The following ITSN1 variants were observed in gnomAD, a reference collection of about 807,000 sequenced individuals.
The protein encoded by ITSN1 is intersectin 1, also known as intersectin-1.
ITSN1 carries 58 observed loss-of-function variants against 239.8 expected under a neutral mutation model. That is an observed-to-expected ratio of 0.24 (90% confidence interval 0.20 to 0.30). The LOEUF (loss-of-function observed/expected upper bound fraction) is 0.30. Ranked by LOEUF, ITSN1 falls within the 10% of genes least tolerant of loss-of-function variation. The pLI, the probability that ITSN1 is intolerant of heterozygous loss-of-function variation, is 1.00. For missense variants in ITSN1, 1,558 were observed against 2,103.3 expected (o/e 0.74, Z 5.07); for synonymous variants, 780 against 770.8 (o/e 1.01, Z -0.20).
intron 26 of ITSN1, among the ~76,000 whole-genome samples, chr21:33,828,483 AG>A (rs2074099280): frequency 6.6e-6 from 1 of 152,232 alleles, no homozygotes; most frequent in South Asian, 2.1e-4. Context: ...GACCCCTGAT[AG>A]CATGCAGAAC....
intron 5 of ITSN1, among the ~76,000 whole-genome samples, chr21:33,745,487 G>T (rs2067125770): frequency 1.3e-5 from 2 of 152,176 alleles, no homozygotes; most frequent in African/African-American, 4.8e-5. Flanking sequence ...TTAACCAAAG[G>T]TATATAACAT....
At chr21:33,659,599 G>A (rs2089382179) in intron 1 of ITSN1, among the ~76,000 whole-genome samples, 2 of 151,034 alleles carry the variant, frequency 1.3e-5, no homozygotes, top group Non-Finnish European at 2.9e-5. Context: ...TGAATACTGT[G>A]TCTATACACA....
At position 33,858,678 on chromosome 21, in the gene ITSN1, A is replaced by C. The variant is rs375695344; in HGVS notation, c.3784-8A>C. On this transcript the variant is annotated splice_polypyrimidine_tract_variant and splice_region_variant and intron_variant, in intron 30 of 39. Transcript: ENST00000381318. ...CTTTCTGAACTGCTTCGTTTTCTGC[A>C]TCTGTAGATTTTTCAAAAACCCCTG... is the stretch of plus-strand genomic sequence containing the variant. 3.8e-6 allele frequency: 6 copies of C among 1,581,106 alleles called. No individual in the cohort carries two copies. Among genetic ancestry groups the C allele is most frequent in the East Asian group, 4.5e-5 (2 of 44,696 alleles).
chr21:33,860,315 GAAAA>G (rs537916792), intron 31 of ITSN1, among the ~76,000 whole-genome samples: 4 of 70,304 alleles, frequency 5.7e-5, no homozygotes, highest in South Asian at 4.9e-4. Flanking sequence ...CTCAAAAAAA[GAAAA>G]AAAAAAAAAA....
At chr21:33,853,358 A>G (rs74748106) in intron 29 of ITSN1, among the ~76,000 whole-genome samples, 3,423 of 152,266 alleles carry the variant, frequency 0.022, 122 homozygotes, top group African/African-American at 0.078. Context: ...CCAGAGGCCA[A>G]CGCTACCTGG....
intron 1 of ITSN1, among the ~76,000 whole-genome samples, chr21:33,665,011 T>A (rs972273093): frequency 1.3e-5 from 2 of 152,194 alleles, no homozygotes; most frequent in Admixed American, 6.5e-5. Context: ...ACTACTGTAA[T>A]CCCAGCACTT....
chr21:33,836,601 G>T lies in ITSN1; in HGVS notation c.3630G>T (p.Lys1210Asn). Residue 1210 changes from lysine to asparagine, a missense_variant, in exon 29 of 40, where the codon AAG (lysine) becomes AAT (asparagine). By Grantham distance (94) the Lys-to-Asn change is moderately conservative. Transcript: ENST00000381318. ...QVGLFPSNYV[K>N]LTTDMDPSQQ... is the part of the protein sequence containing the mutation. ...GGCTCTTCCCATCCAATTATGTGAA[G>T]CTGACCACAGACATGGACCCAAGCC... The T allele has an allele frequency of 6.2e-7, 1 of 1,614,118 alleles. No individual in the cohort carries two copies. Among genetic ancestry groups the T allele is most frequent in the Non-Finnish European group, 8.5e-7 (1 of 1,179,990 alleles).
At chr21:33,839,766 T>A (rs920191508) in intron 29 of ITSN1, among the ~76,000 whole-genome samples, 1 of 152,242 alleles carries the variant, frequency 6.6e-6, no homozygotes, top group Non-Finnish European at 1.5e-5. Context: ...TGACATGGGT[T>A]GTTCCCCAGG....
chr21:33,866,151 A>C lies in ITSN1; in HGVS notation c.4074+817A>C, dbSNP rs951010778. On this transcript the variant is annotated intron_variant, in intron 32 of 39. Coordinates refer to ENST00000381318, the MANE Select transcript of ITSN1 (RefSeq NM_003024.3). Reference sequence around the variant, plus strand: ...CCTGTCCTAGAGTGGTGCTTGTGGAATCACTGTGGTGAGGCACAAGCGCAG... The same window carrying C: ...CCTGTCCTAGAGTGGTGCTTGTGGACTCACTGTGGTGAGGCACAAGCGCAG... 3.8e-3 allele frequency among the ~76,000 whole-genome samples: 586 copies of C among 152,330 alleles called. 7 individuals are homozygous for C. The highest frequency in any genetic ancestry group is 0.013 in the African/African-American group (555 of 41,572).
chr21:33,720,554 C>A (rs548668690), intron 2 of ITSN1, among the ~76,000 whole-genome samples: 2 of 152,046 alleles, frequency 1.3e-5, no homozygotes, highest in Non-Finnish European at 2.9e-5. Context: ...ATCAGGACAT[C>A]CCCTGCCCTT....
rs374376698 is a variant in ITSN1 at position 33,856,072 on chromosome 21, A to C, written c.3662-664A>C. The stretch of plus-strand genomic sequence containing the variant: ...CAAGCTGAGAGACCTGGGGCCAGTC[A>C]ACCTGTGTAAACCTCGGTGTCCTCG... On this transcript the variant is annotated intron_variant, in intron 29 of 39. Transcript: ENST00000381318. Among the ~76,000 whole-genome samples, 126 of 152,356 alleles carry C rather than the reference A, an allele frequency of 8.3e-4. 3 individuals are homozygous for C. The South Asian group carries it at 0.024, about 29-fold the overall frequency.
chr21:33,727,498 G>A (rs1463263398), intron 4 of ITSN1, among the ~76,000 whole-genome samples: 1 of 151,684 alleles, frequency 6.6e-6, no homozygotes, highest in East Asian at 1.9e-4. Flanking sequence ...TTCAGAATGG[G>A]TGTCAGGGCA....
At chr21:33,693,395 T>C (rs2091643024) in intron 1 of ITSN1, among the ~76,000 whole-genome samples, 1 of 151,864 alleles carries the variant, frequency 6.6e-6, no homozygotes, top group South Asian at 2.1e-4. Flanking sequence ...TTACTCTTAT[T>C]GTCCAGGCTG....
At chr21:33,884,026 G>A (rs1985389300) in intron 36 of ITSN1, among the ~76,000 whole-genome samples, 1 of 150,816 alleles carries the variant, frequency 6.6e-6, no homozygotes, top group South Asian at 2.1e-4. Context: ...TAGCCTCCCA[G>A]GTATGTGGGA....
chr21:33,653,107 G>A (rs2146150093), intron 1 of ITSN1, among the ~76,000 whole-genome samples: 1 of 151,418 alleles, frequency 6.6e-6, no homozygotes, highest in East Asian at 2.0e-4. Context: ...TGATTCTCCT[G>A]CCTCAGCCTC....
intron 1 of ITSN1, among the ~76,000 whole-genome samples, chr21:33,650,631 C>G (rs998366814): frequency 1.3e-5 from 2 of 152,202 alleles, no homozygotes; most frequent in African/African-American, 4.8e-5. Flanking sequence ...AGTTATCTTT[C>G]AATTTCTGAA....
chr21:33,832,219 C>T (rs1404306786), intron 27 of ITSN1, among the ~76,000 whole-genome samples: 2 of 152,242 alleles, frequency 1.3e-5, no homozygotes, highest in African/African-American at 2.4e-5. Context: ...GCTCCAACCT[C>T]TCCACTTTCG....
At chr21:33,762,170 A>G (rs1394689868) in intron 9 of ITSN1, among the ~76,000 whole-genome samples, 184 bp downstream of exon 9, 1 of 152,214 alleles carries the variant, frequency 6.6e-6, no homozygotes, top group Non-Finnish European at 1.5e-5. Flanking sequence ...GAAAAATACA[A>G]AAGCAGATTA....
intron 33 of ITSN1, among the ~76,000 whole-genome samples, chr21:33,870,854 G>C (rs1982585186): frequency 6.6e-6 from 1 of 152,206 alleles, no homozygotes; most frequent in Non-Finnish European, 1.5e-5. Flanking sequence ...GTGGGGCAGG[G>C]AGCTGGAAGA....
Sources: gnomAD v4.1 joint callset for allele counts (sites outside exome capture counted in the v4.1 genomes callset) on GRCh38, gnomAD v4.1.1 for gene constraint, MANE v1.5 for transcripts, NCBI Gene and HGNC (gene_info 2026-07-23, HGNC 2026-07-21) for gene names.